The following RBFOX1 variants were observed in gnomAD, a reference collection of about 807,000 sequenced individuals.
RBFOX1 encodes RNA binding fox-1 homolog 1.
Under a neutral mutation model 57.7 loss-of-function variants are expected in RBFOX1, and 8 were observed. The ratio of observed to expected loss-of-function variants is 0.14; its 90% CI spans 0.08 to 0.25. RBFOX1 has a LOEUF of 0.25. Among genes scored for constraint, RBFOX1 ranks in the 10% least tolerant of loss-of-function variants. The pLI is 1.00. For synonymous variants in RBFOX1, 326 were observed against 222.4 expected (o/e 1.47, Z -4.15); for missense variants, 611 against 548.5 (o/e 1.11, Z -1.14).
intron 4 of RBFOX1, among the ~76,000 whole-genome samples, chr16:7,372,877 T>C (rs1294394625): frequency 6.6e-6 from 1 of 152,006 alleles, no homozygotes; most frequent in Non-Finnish European, 1.5e-5. Context: ...TAGGTGGCTT[T>C]ATATTTGAGC....
chr16:5,424,927 CTTTCTT>C (rs1597006694), intron 1 of RBFOX1, among the ~76,000 whole-genome samples: 7 of 75,576 alleles, frequency 9.3e-5, no homozygotes, highest in South Asian at 4.0e-4. Context: ...TTCTTTCTTT[CTTTCTT>C]TCTCTCTCTT....
chr16:6,521,568 CT>C (rs2096499216), intron 2 of RBFOX1, among the ~76,000 whole-genome samples: 1 of 146,632 alleles, frequency 6.8e-6, no homozygotes, highest in African/African-American at 2.7e-5. Flanking sequence ...CTCTCTTTGT[CT>C]TTCTCTCTTT....
intron 15 of RBFOX1, 58 bp downstream of exon 15, chr16:7,709,189 C>T (rs1191301212): frequency 1.3e-6 from 2 of 1,489,838 alleles, no homozygotes; most frequent in Admixed American, 1.7e-5. Flanking sequence ...CTTTCCCCAG[C>T]TGGGACCTCA....
chr16:6,656,516 G>A (rs2098653303), intron 3 of RBFOX1, among the ~76,000 whole-genome samples: 2 of 151,788 alleles, frequency 1.3e-5, no homozygotes, highest in Admixed American at 6.6e-5. Flanking sequence ...TGGCTACTCT[G>A]TGATGCATCT....
intron 4 of RBFOX1, among the ~76,000 whole-genome samples, chr16:7,383,336 A>G (rs2097817587): frequency 6.6e-6 from 1 of 152,004 alleles, no homozygotes; most frequent in Non-Finnish European, 1.5e-5. Flanking sequence ...CTCTGCTTGG[A>G]CAAAATTAGG....
chr16:7,193,327 A>G (rs573945570), intron 4 of RBFOX1, among the ~76,000 whole-genome samples: 1 of 152,336 alleles, frequency 6.6e-6, no homozygotes, highest in South Asian at 2.1e-4. Context: ...AAAAGGCAAG[A>G]ACTCAGATTC....
At chr16:6,516,739 C>T (rs1055513187) in intron 2 of RBFOX1, among the ~76,000 whole-genome samples, 13 of 152,134 alleles carry the variant, frequency 8.5e-5, no homozygotes, top group African/African-American at 3.1e-4. Flanking sequence ...TTTCTCCATT[C>T]TCATTGTGGT....
At chr16:7,469,189 C>A (rs538803581) in intron 4 of RBFOX1, among the ~76,000 whole-genome samples, 1 of 151,916 alleles carries the variant, frequency 6.6e-6, no homozygotes, top group East Asian at 2.0e-4. Flanking sequence ...CCGACTTGGC[C>A]TCCCAAAATG....
intron 3 of RBFOX1, among the ~76,000 whole-genome samples, chr16:6,970,275 T>A (rs557443066): frequency 1.3e-5 from 2 of 152,280 alleles, no homozygotes; most frequent in African/African-American, 4.8e-5. Flanking sequence ...CAGGGTACTT[T>A]CAATGACCCA....
At chr16:7,305,973 G>A (rs535560053) in intron 4 of RBFOX1, among the ~76,000 whole-genome samples, 4 of 152,170 alleles carry the variant, frequency 2.6e-5, no homozygotes, top group East Asian at 1.9e-4. Context: ...TATTTCCACC[G>A]GAAGAAAATT....
intron 14 of RBFOX1, among the ~76,000 whole-genome samples, chr16:7,703,480 A>G (rs1435678225): frequency 1.3e-5 from 2 of 152,200 alleles, no homozygotes; most frequent in Non-Finnish European, 2.9e-5. Context: ...GGGAGATGAT[A>G]CTAATGGAAG....
chr16:6,271,031 C>T (rs1427977917), intron 1 of RBFOX1, among the ~76,000 whole-genome samples: 1 of 152,168 alleles, frequency 6.6e-6, no homozygotes, highest in African/African-American at 2.4e-5. Flanking sequence ...TTGTGGGACA[C>T]AGCTAAAGTA....
chr16:5,951,353 C>T (rs2059516271), intron 4 of RBFOX1, among the ~76,000 whole-genome samples: 1 of 151,962 alleles, frequency 6.6e-6, no homozygotes, highest in African/African-American at 2.4e-5. Context: ...GAGGCTAAGG[C>T]AGGAGAATTG....
chr16:7,518,464 C>G (rs2152194672), intron 5 of RBFOX1, 75 bp downstream of exon 5: 1 of 1,523,412 alleles, frequency 6.6e-7, no homozygotes, highest in East Asian at 2.3e-5. Flanking sequence ...AGCGGGGGTG[C>G]ACCCCCATCT....
intron 3 of RBFOX1, among the ~76,000 whole-genome samples, chr16:6,662,130 G>T (rs1247367662): frequency 1.4e-5 from 1 of 70,790 alleles, no homozygotes; most frequent in Non-Finnish European, 3.3e-5. Context: ...GAGGGCTGGG[G>T]GCGGGGTGAA....
At chr16:6,958,728 C>A (rs761885535) in intron 3 of RBFOX1, among the ~76,000 whole-genome samples, 1 of 152,088 alleles carries the variant, frequency 6.6e-6, no homozygotes, top group Non-Finnish European at 1.5e-5. Context: ...TTTTATGCCG[C>A]TTCAGAAATC....
At chr16:6,213,894 T>C (rs1242062160) in intron 1 of RBFOX1, among the ~76,000 whole-genome samples, 1 of 152,280 alleles carries the variant, frequency 6.6e-6, no homozygotes, top group East Asian at 1.9e-4. Context: ...CCATGAATTA[T>C]TGGATGCTTA....
intron 2 of RBFOX1, among the ~76,000 whole-genome samples, chr16:6,338,406 T>C (rs766707278): frequency 1.8e-4 from 27 of 152,178 alleles, no homozygotes; most frequent in Non-Finnish European, 2.5e-4. Context: ...TATCAGTCAG[T>C]AGGTTCTAAA....
At chr16:7,148,703 G>T (rs1339714304) in intron 4 of RBFOX1, among the ~76,000 whole-genome samples, 1 of 152,144 alleles carries the variant, frequency 6.6e-6, no homozygotes, top group African/African-American at 2.4e-5. Flanking sequence ...TTTTAACATG[G>T]TTGAATGATC....
Sources: gnomAD v4.1 joint callset for allele counts (sites outside exome capture counted in the v4.1 genomes callset) on GRCh38, gnomAD v4.1.1 for gene constraint, MANE v1.5 for transcripts, NCBI Gene and HGNC (gene_info 2026-07-23, HGNC 2026-07-21) for gene names.